The following EXT2 variants were observed in gnomAD, a reference collection of about 807,000 sequenced individuals.
EXT2 encodes exostosin-2.
EXT2 carries 53 observed loss-of-function variants against 81.6 expected under a neutral mutation model. The ratio of observed to expected loss-of-function variants is 0.65; its 90% CI spans 0.52 to 0.82. The LOEUF is 0.82. Ranked by LOEUF, EXT2 falls within the 40% of genes least tolerant of loss-of-function variation. The probability of loss-of-function intolerance (pLI) is 0.00; values close to 1 mark genes in which losing one functional copy is unlikely to be tolerated. For missense variants in EXT2, 774 were observed against 910.2 expected (o/e 0.85, Z 1.93); for synonymous variants, 320 against 340.0 (o/e 0.94, Z 0.65).
chr11:44,171,013 T>G (rs879538730), intron 7 of EXT2, among the ~76,000 whole-genome samples: 1 of 152,226 alleles, frequency 6.6e-6, no homozygotes, highest in African/African-American at 2.4e-5. Flanking sequence ...CAGCATAACC[T>G]TGATACCATA....
At chr11:44,174,187 A>G (rs1167611521) in intron 8 of EXT2, among the ~76,000 whole-genome samples, 1 of 152,198 alleles carries the variant, frequency 6.6e-6, no homozygotes, top group African/African-American at 2.4e-5. Context: ...GTTTTCTCAG[A>G]TAATTCTATT....
intron 13 of EXT2, among the ~76,000 whole-genome samples, chr11:44,241,270 A>G (rs1207166574): frequency 6.6e-6 from 1 of 152,188 alleles, no homozygotes; most frequent in Non-Finnish European, 1.5e-5. Context: ...GGCAGACAGT[A>G]TTGACTTAAA....
At chr11:44,229,336 A>G (rs1038261168) in intron 10 of EXT2, among the ~76,000 whole-genome samples, 4 of 152,242 alleles carry the variant, frequency 2.6e-5, no homozygotes, top group Admixed American at 6.5e-5. Flanking sequence ...ACACAGCAGC[A>G]GCATTACACG....
At chr11:44,197,324 GAA>G (rs1208655777) in intron 8 of EXT2, among the ~76,000 whole-genome samples, 1 of 151,948 alleles carries the variant, frequency 6.6e-6, no homozygotes. Context: ...TTTCATTCCT[GAA>G]CCCTGTGAAT....
chr11:44,202,733 C>T (rs556140566), intron 9 of EXT2, among the ~76,000 whole-genome samples: 2 of 152,302 alleles, frequency 1.3e-5, no homozygotes, highest in South Asian at 4.1e-4. Flanking sequence ...TAAATGCATT[C>T]CCATTCACCC....
intron 8 of EXT2, among the ~76,000 whole-genome samples, chr11:44,194,134 A>G (rs536359301): frequency 1.3e-5 from 2 of 152,348 alleles, no homozygotes; most frequent in South Asian, 2.1e-4. Context: ...TCTTAATGTC[A>G]TAAAGACATT....
chr11:44,204,374 A>G (rs1955556525), intron 9 of EXT2, among the ~76,000 whole-genome samples: 1 of 152,068 alleles, frequency 6.6e-6, no homozygotes, highest in African/African-American at 2.4e-5. Flanking sequence ...GTAAATAGAC[A>G]ATGTGTTTGT....
chr11:44,114,162 T>G (rs745439805), intron 3 of EXT2, 23 bp from the exon 4 acceptor site: 1 of 1,600,812 alleles, frequency 6.2e-7, no homozygotes, highest in Non-Finnish European at 8.6e-7. Context: ...TTCTCATCGT[T>G]TAACAAAATA....
rs968303197 is a variant in EXT2, at chr11:44,249,596, T to C, written c.*5309T>C. ...AACCTTCCCTTTAGAATATATTTAT[T>C]TGGAATTTTACTTATAGCTGCAAAT... On this transcript the variant is annotated 3_prime_UTR_variant, in exon 14 of 14. Coordinates refer to ENST00000533608, the MANE Select transcript of EXT2 (RefSeq NM_207122.2). Among the ~76,000 whole-genome samples the C allele has an allele frequency of 6.6e-6, 1 of 152,186 alleles. No individual in the cohort carries two copies. The highest frequency in any genetic ancestry group is 2.4e-5 in the African/African-American group (1 of 41,440).
At chr11:44,199,049 T>C (rs1955492383) in intron 9 of EXT2, among the ~76,000 whole-genome samples, 1 of 152,224 alleles carries the variant, frequency 6.6e-6, no homozygotes, top group Admixed American at 6.5e-5. Flanking sequence ...GGAGCCACAG[T>C]TTGAGTAAAT....
At chr11:44,243,475 A>C (rs1564991275) in intron 13 of EXT2, among the ~76,000 whole-genome samples, 1 of 152,212 alleles carries the variant, frequency 6.6e-6, no homozygotes, top group Non-Finnish European at 1.5e-5. Flanking sequence ...GATGAAAATT[A>C]TGAAGGCTGT....
At position 44,119,161 on chromosome 11, in the gene EXT2, T is replaced by TAC. The variant is rs1565201263; in HGVS notation, c.743+4861_743+4862insCA. Among the ~76,000 whole-genome samples the TAC allele has an allele frequency of 3.5e-3, 162 of 46,900 alleles. 9 individuals carry two copies. Among genetic ancestry groups the TAC allele is most frequent in the Non-Finnish European group, 6.1e-3 (124 of 20,210 alleles). The allele number at this position is 46,900 out of a possible 152,430, so 30.8% of individuals were successfully genotyped here. A position where few individuals can be genotyped will look rare whatever the true frequency, so the allele number is the denominator to read the frequency against. ...ATATATATATATATATATATATATA[T>TAC]ATATATATACACATACACACACACA... is the stretch of plus-strand genomic sequence containing the variant. On this transcript the variant is annotated intron_variant, in intron 4 of 13. Coordinates refer to ENST00000533608, the MANE Select transcript of EXT2 (RefSeq NM_207122.2).
intron 10 of EXT2, among the ~76,000 whole-genome samples, chr11:44,226,999 T>C (rs749669797): frequency 6.6e-6 from 1 of 152,242 alleles, no homozygotes; most frequent in South Asian, 2.1e-4. Context: ...TGAGTCCTGA[T>C]ACATTGCTCA....
At chr11:44,207,188 C>G (rs904811239) in intron 10 of EXT2, among the ~76,000 whole-genome samples, 7 of 152,232 alleles carry the variant, frequency 4.6e-5, no homozygotes, top group African/African-American at 1.7e-4. Context: ...GTTTTGGGAA[C>G]TCCCAAGGAG....
rs992602462 is a variant in EXT2, at chr11:44,245,032, A to T, written c.*745A>T. On this transcript the variant is annotated 3_prime_UTR_variant, in exon 14 of 14. Transcript: ENST00000533608. ...TTGGCCTGACAACAGTCTTCTGCCC[A>T]TGTCTGGGAACACACGCCAGGAGGA... The T allele has an allele frequency of 1.7e-5, 4 of 232,266 alleles. No homozygotes were observed. The highest frequency in any genetic ancestry group is 3.4e-5 in the Non-Finnish European group (4 of 117,536). 14.4% of individuals were successfully genotyped at this position (232,266 alleles called of 1,614,324 possible).
intron 3 of EXT2, among the ~76,000 whole-genome samples, chr11:44,112,637 G>T (rs930649949): frequency 6.6e-6 from 1 of 152,232 alleles, no homozygotes; most frequent in Non-Finnish European, 1.5e-5. Context: ...ACTAATTGCA[G>T]TCGTGGCTCT....
chr11:44,242,161 AC>A (rs933759357), intron 13 of EXT2, among the ~76,000 whole-genome samples: 8 of 152,182 alleles, frequency 5.3e-5, no homozygotes, highest in African/African-American at 1.9e-4. Context: ...ACTTGCTAGT[AC>A]CTATGCTGGG....
At chr11:44,103,621 G>A (rs759179916) in intron 1 of EXT2, 30 of 418,758 alleles carry the variant, frequency 7.2e-5, no homozygotes, top group Non-Finnish European at 1.2e-4. Flanking sequence ...TTGAATATTT[G>A]GTAGAACTTG....
chr11:44,240,399 C>T (rs376682197), intron 13 of EXT2, among the ~76,000 whole-genome samples: 2 of 152,096 alleles, frequency 1.3e-5, no homozygotes, highest in African/African-American at 4.8e-5. Context: ...TGGTACCTTA[C>T]AAAAATAATA....
Sources: gnomAD v4.1 joint callset for allele counts (sites outside exome capture counted in the v4.1 genomes callset) on GRCh38, gnomAD v4.1.1 for gene constraint, MANE v1.5 for transcripts, NCBI Gene and HGNC (gene_info 2026-07-23, HGNC 2026-07-21) for gene names.